The following PLPPR5 variants were observed in gnomAD, a reference collection of about 807,000 sequenced individuals.
PLPPR5 encodes the protein phospholipid phosphatase-related protein type 5.
A neutral mutation model predicts 33.9 loss-of-function variants in PLPPR5; 16 were observed. The ratio of observed to expected loss-of-function variants is 0.47; its 90% confidence interval spans 0.32 to 0.72. The LOEUF (loss-of-function observed/expected upper bound fraction) is 0.72. Ranked by LOEUF, PLPPR5 falls within the 30% of genes least tolerant of loss-of-function variation. The pLI, the probability that PLPPR5 is intolerant of heterozygous loss-of-function variation, is 0.03. For synonymous variants in PLPPR5, 163 were observed against 150.3 expected (o/e 1.08, Z -0.62); for missense variants, 301 against 406.7 (o/e 0.74, Z 2.23).
At chr1:98,955,014 G>A (rs1650949333) in intron 2 of PLPPR5, among the ~76,000 whole-genome samples, 1 of 152,064 alleles carries the variant, frequency 6.6e-6, no homozygotes, top group Non-Finnish European at 1.5e-5. Context: ...TAATACTGTA[G>A]TTGACTACAA....
At chr1:98,966,698 C>T (rs879763393) in intron 1 of PLPPR5, among the ~76,000 whole-genome samples, 14 of 152,092 alleles carry the variant, frequency 9.2e-5, no homozygotes, top group Admixed American at 3.9e-4. Flanking sequence ...CGGATCTGAA[C>T]CTTTGAGTTA....
At chr1:98,919,341 G>T (rs1649467420) in intron 4 of PLPPR5, among the ~76,000 whole-genome samples, 1 of 152,204 alleles carries the variant, frequency 6.6e-6, no homozygotes, top group African/African-American at 2.4e-5. Context: ...TTGAGTCTGG[G>T]TGACTGGGTG....
intron 3 of PLPPR5, among the ~76,000 whole-genome samples, chr1:98,944,916 A>C (rs1650500052): frequency 6.6e-6 from 1 of 152,214 alleles, no homozygotes; most frequent in Admixed American, 6.5e-5. Context: ...CACCTGCAGC[A>C]GATAATTGTG....
intron 2 of PLPPR5, among the ~76,000 whole-genome samples, chr1:98,953,611 C>T (rs765164017): frequency 7.9e-5 from 12 of 152,018 alleles, no homozygotes; most frequent in Non-Finnish European, 1.8e-4. Flanking sequence ...TCTCAGACTC[C>T]GGGTAATGCA....
At chr1:98,972,597 C>T (rs1455930891) in intron 1 of PLPPR5, among the ~76,000 whole-genome samples, 1 of 151,986 alleles carries the variant, frequency 6.6e-6, no homozygotes, top group African/African-American at 2.4e-5. Context: ...AACTAAAGCT[C>T]TATTTAATAA....
chr1:98,904,191 A>G (rs1648807617), intron 5 of PLPPR5, among the ~76,000 whole-genome samples: 1 of 151,166 alleles, frequency 6.6e-6, no homozygotes, highest in South Asian at 2.1e-4. Flanking sequence ...TGGGTAGTAT[A>G]GGTTGGTGAA....
At chr1:98,899,469 T>C (rs1648605134) in intron 5 of PLPPR5, among the ~76,000 whole-genome samples, 1 of 152,206 alleles carries the variant, frequency 6.6e-6, no homozygotes, top group South Asian at 2.1e-4. Context: ...CAATTCCTTC[T>C]TTAAGATGCT....
At chr1:98,923,723 G>A (rs566341854) in intron 3 of PLPPR5, among the ~76,000 whole-genome samples, 67 of 152,306 alleles carry the variant, frequency 4.4e-4, no homozygotes, top group African/African-American at 1.5e-3. Flanking sequence ...GGGTCTGTGT[G>A]TCTAAGACTG....
chr1:98,989,540 G>T (rs2100759261), intron 1 of PLPPR5, among the ~76,000 whole-genome samples: 1 of 152,220 alleles, frequency 6.6e-6, no homozygotes, highest in Admixed American at 6.5e-5. Flanking sequence ...GATCAAAAGA[G>T]GAGAACTGTT....
chr1:98,966,843 T>C (rs79366241), intron 1 of PLPPR5, among the ~76,000 whole-genome samples: 3,109 of 152,252 alleles, frequency 0.02, 51 homozygotes, highest in African/African-American at 0.038. Context: ...TATATGTCTA[T>C]TTTGAGAGCT....
At chr1:98,996,958 T>C (rs1036571116) in intron 1 of PLPPR5, among the ~76,000 whole-genome samples, 1 of 152,082 alleles carries the variant, frequency 6.6e-6, no homozygotes, top group Non-Finnish European at 1.5e-5. Context: ...CCTGAAGTAA[T>C]AGGTTCAGAT....
intron 5 of PLPPR5, among the ~76,000 whole-genome samples, chr1:98,894,142 C>G (rs758674127): frequency 3.9e-5 from 6 of 151,904 alleles, no homozygotes; most frequent in African/African-American, 7.3e-5. Flanking sequence ...TAGGCTTGAC[C>G]CACTTAATAC....
rs1648312286 is a variant in PLPPR5 at position 98,892,516 on chromosome 1, AT to A, written c.*555del. 6.6e-6 allele frequency: 1 copy of A among 152,024 alleles called. No individual in the cohort carries two copies. Among genetic ancestry groups the A allele is most frequent in the East Asian group, 1.9e-4 (1 of 5,180 alleles). 9.4% of individuals were successfully genotyped at this position (152,024 alleles called of 1,614,324 possible). A position where few individuals can be genotyped will look rare whatever the true frequency, so the allele number is the denominator to read the frequency against. ...TAACATAATATAATGTGGAAACATT[AT>A]TTTACTATAGAACATACTTTCTAAA... On this transcript the variant is annotated 3_prime_UTR_variant, in exon 6 of 6. Transcript: ENST00000263177.
At chr1:98,893,618 C>CATT (rs375772537) in intron 5 of PLPPR5, among the ~76,000 whole-genome samples, 13 of 90,098 alleles carry the variant, frequency 1.4e-4, no homozygotes, top group African/African-American at 4.9e-4. Flanking sequence ...TTCACAGCGC[C>CATT]TTTTTTTTTT....
rs558519978 is a variant in PLPPR5 at position 98,893,093 on chromosome 1, A to G, written c.945T>C (p.Thr315=). 6.2e-7 allele frequency: 1 copy of G among 1,611,234 alleles called. No individual in the cohort carries two copies. The highest frequency in any genetic ancestry group is 8.5e-7 in the Non-Finnish European group (1 of 1,178,362). Residue 315 remains threonine, a synonymous_variant, in exon 6 of 6, where the codon ACT becomes ACC. Coordinates refer to ENST00000263177, the MANE Select transcript of PLPPR5 (RefSeq NM_001037317.2). The part of the protein sequence containing the change: ...EKVTSVQNHI[T]AFAEVT ...GATATCATGTGACTTCTGCGAAGGC[A>G]GTGATGTGGTTCTGCAAAAAGAAAA...
chr1:98,939,299 GA>G (rs1650291692), intron 3 of PLPPR5, among the ~76,000 whole-genome samples: 2 of 148,370 alleles, frequency 1.3e-5, no homozygotes, highest in Non-Finnish European at 3.0e-5. Flanking sequence ...TAGAGGAAGG[GA>G]TGCTAAAAGT....
intron 5 of PLPPR5, among the ~76,000 whole-genome samples, chr1:98,896,311 G>A (rs548741602): frequency 6.6e-6 from 1 of 152,186 alleles, no homozygotes; most frequent in Non-Finnish European, 1.5e-5. Flanking sequence ...TTGAGAAATG[G>A]ACTGCCTGTG....
At chr1:99,001,072 T>C (rs61547128) in intron 1 of PLPPR5, among the ~76,000 whole-genome samples, 24 of 152,154 alleles carry the variant, frequency 1.6e-4, no homozygotes, top group African/African-American at 5.5e-4. Context: ...AATAAGGGAA[T>C]TGAGGCTTAA....
intron 1 of PLPPR5, among the ~76,000 whole-genome samples, chr1:98,996,427 A>G (rs576280221): frequency 6.6e-6 from 1 of 152,214 alleles, no homozygotes; most frequent in African/African-American, 2.4e-5. Context: ...AAAAATGGTG[A>G]TTTTACTGAC....
Sources: gnomAD v4.1 joint callset for allele counts (sites outside exome capture counted in the v4.1 genomes callset) on GRCh38, gnomAD v4.1.1 for gene constraint, MANE v1.5 for transcripts, NCBI Gene and HGNC (gene_info 2026-07-23, HGNC 2026-07-21) for gene names.